SP110: variants seen among roughly 807,000 people sequenced by gnomAD.
SP110 encodes interferon-induced protein 41, 30kD.
A neutral mutation model predicts 92.7 loss-of-function variants in SP110; 62 were observed. That is an observed-to-expected ratio of 0.67 (90% CI 0.55 to 0.83). The LOEUF (loss-of-function observed/expected upper bound fraction) is 0.83. Ranked by LOEUF, SP110 falls within the 40% of genes least tolerant of loss-of-function variation. The pLI is 0.00. For synonymous variants in SP110, 273 were observed against 305.3 expected (o/e 0.89, Z 1.10); for missense variants, 793 against 863.9 (o/e 0.92, Z 1.03).
Position 230,168,106 on chromosome 2 carries a change from C to A in SP110, c.*1018G>T, listed in dbSNP as rs1432048659. On this transcript the variant is annotated 3_prime_UTR_variant, in exon 19 of 19. Coordinates refer to ENST00000258381, the MANE Select transcript of SP110 (RefSeq NM_080424.4). ...CCTGGGTGACAGAGTGAGACTCTGT[C>A]TCAAAAAAAAAAAAAAAAAAAAAAA... 4.4e-5 allele frequency: 1 copy of A among 22,484 alleles called. No individual in the cohort carries two copies. The highest frequency in any genetic ancestry group is 1.6e-4 in the African/African-American group (1 of 6,076). The allele number at this position is 22,484 out of a possible 1,614,324, so 1.4% of individuals were successfully genotyped here.
chr2:230,224,431 G>A (rs905647660), upstream of SP110, among the ~76,000 whole-genome samples: 1 of 135,834 alleles, frequency 7.4e-6, no homozygotes, highest in Admixed American at 7.2e-5. Context: ...TTTAAAGAGG[G>A]AGGGAGAGGG....
chr2:230,221,775 T>C, upstream of SP110: 13 of 1,503,968 alleles, frequency 8.6e-6, no homozygotes, highest in Non-Finnish European at 1.2e-5. Context: ...AAGAACTTCT[T>C]CCTTTAGATC....
chr2:230,176,622 CA>C (rs2041869706), intron 14 of SP110: 2 of 1,613,768 alleles, frequency 1.2e-6, no homozygotes, highest in South Asian at 1.1e-5. Context: ...AGCCTCCAGA[CA>C]GGGAAAGTCT....
intron 10 of SP110, among the ~76,000 whole-genome samples, chr2:230,186,536 G>A (rs1485342319): frequency 2.6e-5 from 4 of 152,182 alleles, no homozygotes; most frequent in South Asian, 2.1e-4. Context: ...AGCTTTTGGG[G>A]TACAAGTGGT....
chr2:230,198,761 AT>A (rs938277115), intron 10 of SP110, among the ~76,000 whole-genome samples: 3 of 151,626 alleles, frequency 2.0e-5, no homozygotes, highest in Admixed American at 1.3e-4. Flanking sequence ...GGCTCAGCTA[AT>A]TTTTTTTGTA....
chr2:230,200,981 T>A lies in SP110; in HGVS notation c.1049-16A>T, dbSNP rs539213557. ...TCAATGATCTCTGGAAAATGAAAGATCTTAGTAAATGCCCCTTGGGAAACA... is the reference window on the plus strand; with the variant it reads ...TCAATGATCTCTGGAAAATGAAAGAACTTAGTAAATGCCCCTTGGGAAACA... On this transcript the variant is annotated splice_polypyrimidine_tract_variant and intron_variant, in intron 9 of 18. Transcript: ENST00000258381. The A allele has an allele frequency of 4.4e-6, 7 of 1,586,210 alleles. No individual in the cohort carries two copies. The highest frequency in any genetic ancestry group is 6.1e-6 in the Non-Finnish European group (7 of 1,154,462).
In SP110 at chr2:230,218,593, C is replaced by T. The variant is rs41309074; in HGVS notation, c.-2+1281G>A. 8.0e-3 allele frequency among the ~76,000 whole-genome samples: 1,217 copies of T among 152,254 alleles called. 9 individuals carry two copies. The highest frequency in any genetic ancestry group is 0.018 in the South Asian group (87 of 4,826). On this transcript the variant is annotated intron_variant, in intron 1 of 18. Coordinates refer to ENST00000258381, the MANE Select transcript of SP110 (RefSeq NM_080424.4). ...TTTAGAACAATTCATTATACAGCAG[C>T]GCTCAGAACAGGAAGTCTAGAGCTT... is the stretch of plus-strand genomic sequence containing the variant.
intron 8 of SP110, chr2:230,202,977 A>G (rs911527647): frequency 1.9e-6 from 1 of 528,874 alleles, no homozygotes; most frequent in East Asian, 3.4e-5. Flanking sequence ...CAACTAGATA[A>G]AGCTGGGGAA....
At chr2:230,205,061 GC>G (rs1407136019) in intron 8 of SP110, among the ~76,000 whole-genome samples, 5 of 152,164 alleles carry the variant, frequency 3.3e-5, no homozygotes. Context: ...TACCCTAAGG[GC>G]AATAGGAGGC....
chr2:230,205,226 C>T (rs938130254), intron 8 of SP110, among the ~76,000 whole-genome samples: 2 of 152,160 alleles, frequency 1.3e-5, no homozygotes, highest in African/African-American at 4.8e-5. Flanking sequence ...TTAAGTTCCT[C>T]ATTTCAAGTT....
At chr2:230,203,158 CA>C (rs1003103684) in intron 8 of SP110, 1 of 224,362 alleles carries the variant, frequency 4.5e-6, no homozygotes, top group African/African-American at 2.3e-5. Flanking sequence ...CTTCAGTGGG[CA>C]AAGTGCAAGG....
chr2:230,192,962 A>G (rs1381692741), intron 10 of SP110, among the ~76,000 whole-genome samples: 2 of 152,140 alleles, frequency 1.3e-5, no homozygotes, highest in Non-Finnish European at 2.9e-5. Flanking sequence ...GAAGTTCCCC[A>G]CTATTATTGT....
At position 230,168,778 on chromosome 2, in the gene SP110, A is replaced by C; in HGVS notation, c.*346T>G. ...TGACAATTTATAGCTTAAAAGAGAC[A>C]TAGGGACAGGAGAGCCAAATGCAGT... On this transcript the variant is annotated 3_prime_UTR_variant, in exon 19 of 19. Coordinates refer to ENST00000258381, the MANE Select transcript of SP110 (RefSeq NM_080424.4). 1 of 217,718 alleles carries C rather than the reference A, an allele frequency of 4.6e-6. No individual in the cohort carries two copies. Among genetic ancestry groups the C allele is most frequent in the Non-Finnish European group, 9.4e-6 (1 of 106,296 alleles). The allele number at this position is 217,718 out of a possible 1,614,324, so 13.5% of individuals were successfully genotyped here.
At chr2:230,205,509 T>C (rs2043671927) in intron 8 of SP110, among the ~76,000 whole-genome samples, 1 of 152,212 alleles carries the variant, frequency 6.6e-6, no homozygotes, top group Admixed American at 6.5e-5. Context: ...ATGTGCTTTC[T>C]AGTTTATATT....
chr2:230,186,213 G>T (rs1180838310), intron 10 of SP110, 70 bp from the exon 11 acceptor site: 1 of 1,443,828 alleles, frequency 6.9e-7, no homozygotes, highest in Admixed American at 1.8e-5. Flanking sequence ...ACCCTTTCAG[G>T]AGTTATCTTG....
intron 9 of SP110, 62 bp downstream of exon 9, chr2:230,202,517 G>C: frequency 6.5e-7 from 1 of 1,527,664 alleles, no homozygotes. Context: ...CTCTGTACCT[G>C]CTTCAGGAGA....
chr2:230,185,163 G>A (rs1217669251), intron 11 of SP110, among the ~76,000 whole-genome samples: 1 of 152,220 alleles, frequency 6.6e-6, no homozygotes, highest in Non-Finnish European at 1.5e-5. Flanking sequence ...AGACAGAGCA[G>A]CCTCTGTCTA....
At chr2:230,217,747 A>G (rs2045379486) in intron 1 of SP110, among the ~76,000 whole-genome samples, 1 of 152,212 alleles carries the variant, frequency 6.6e-6, no homozygotes, top group African/African-American at 2.4e-5. Context: ...TATGTGTTCT[A>G]TGGCCACACT....
intron 14 of SP110, chr2:230,174,044 T>G (rs1345511968): frequency 2.0e-5 from 3 of 152,182 alleles, no homozygotes; most frequent in Admixed American, 6.5e-5. Context: ...TTTCAGCAAA[T>G]TCATTTGACA....
Sources: allele counts gnomAD v4.1 joint callset (sites outside exome capture counted in the v4.1 genomes callset), GRCh38; gene constraint gnomAD v4.1.1; transcripts MANE v1.5; gene names NCBI Gene and HGNC (gene_info 2026-07-23, HGNC 2026-07-21).